The following COQ5 variants were observed in gnomAD, a reference collection of about 807,000 sequenced individuals.
COQ5 encodes coenzyme Q5, methyltransferase.
A neutral mutation model predicts 40.5 loss-of-function variants in COQ5; 27 were observed. The ratio of observed to expected loss-of-function variants is 0.67; its 90% CI spans 0.49 to 0.92. The LOEUF is 0.92. COQ5 is among the 40% of genes least tolerant of loss of function. COQ5 has a pLI of 0.00. For missense variants in COQ5, 409 were observed against 406.4 expected (o/e 1.01, Z -0.06); for synonymous variants, 141 against 150.0 (o/e 0.94, Z 0.44).
intron 5 of COQ5, among the ~76,000 whole-genome samples, chr12:120,504,327 G>C (rs1868781808): frequency 6.6e-6 from 1 of 151,872 alleles, no homozygotes; most frequent in African/African-American, 2.4e-5. Flanking sequence ...TGGGGAGATA[G>C]GCCTACCCAG....
At chr12:120,504,805 T>C (rs1868806338) in intron 5 of COQ5, 90 bp downstream of exon 5, 6 of 1,106,758 alleles carry the variant, frequency 5.4e-6, no homozygotes, top group Non-Finnish European at 8.3e-6. Context: ...ACAAAGTTCA[T>C]GCTTATAGCT....
At chr12:120,516,953 A>T (rs1264319428) in intron 2 of COQ5, among the ~76,000 whole-genome samples, 165 bp from the exon 3 acceptor site, 1 of 152,258 alleles carries the variant, frequency 6.6e-6, no homozygotes, top group East Asian at 1.9e-4. Flanking sequence ...TTTTTGTTAG[A>T]GACAGGGACT....
intron 2 of COQ5, among the ~76,000 whole-genome samples, chr12:120,520,433 C>A (rs1424728017): frequency 1.3e-5 from 2 of 151,858 alleles, no homozygotes; most frequent in African/African-American, 4.8e-5. Context: ...TCAAGCAATT[C>A]TCTTGCCTCA....
intron 4 of COQ5, among the ~76,000 whole-genome samples, chr12:120,506,345 A>G (rs1189989446): frequency 6.6e-6 from 1 of 151,832 alleles, no homozygotes; most frequent in African/African-American, 2.4e-5. Flanking sequence ...GATACAGTCA[A>G]TTTCTCCAAC....
rs181235611 is a variant in COQ5, at chr12:120,521,519, T to C, written c.352+695A>G. Among the ~76,000 whole-genome samples the C allele has an allele frequency of 1.6e-3, 241 of 149,866 alleles. 2 individuals are homozygous for C. The highest frequency in any genetic ancestry group is 5.6e-3 in the African/African-American group (229 of 40,612). Reference sequence around the variant, plus strand: ...GGTGGAACCCTGTCTCTACTAACAATACAAAAATTAGCCAGGCGTGGTGGT... The same window carrying C: ...GGTGGAACCCTGTCTCTACTAACAACACAAAAATTAGCCAGGCGTGGTGGT... On this transcript the variant is annotated intron_variant, in intron 2 of 6. Coordinates refer to ENST00000288532, the MANE Select transcript of COQ5 (RefSeq NM_032314.4).
At chr12:120,518,709 C>T (rs1158320741) in intron 2 of COQ5, among the ~76,000 whole-genome samples, 2 of 152,036 alleles carry the variant, frequency 1.3e-5, no homozygotes, top group Non-Finnish European at 2.9e-5. Flanking sequence ...GGATTACAGG[C>T]GTGTGCTACC....
chr12:120,520,085 A>C (rs1869571328), intron 2 of COQ5, among the ~76,000 whole-genome samples: 1 of 151,806 alleles, frequency 6.6e-6, no homozygotes, highest in East Asian at 1.9e-4. Flanking sequence ...CTCTATCGTT[A>C]CTAATTATCA....
chr12:120,521,670 C>T (rs1419174427), intron 2 of COQ5, among the ~76,000 whole-genome samples: 2 of 102,610 alleles, frequency 1.9e-5, no homozygotes. Flanking sequence ...CAGAGCAAGA[C>T]TCCATCTCCA....
intron 1 of COQ5, chr12:120,522,668 G>A: frequency 3.0e-6 from 2 of 657,600 alleles, no homozygotes; most frequent in Non-Finnish European, 5.4e-6. Context: ...TATCTACTCT[G>A]AAGCCTTCGT....
intron 5 of COQ5, chr12:120,504,578 A>C: frequency 3.1e-6 from 1 of 323,256 alleles, no homozygotes; most frequent in East Asian, 7.4e-5. Context: ...TTTTTAAGCC[A>C]GTCAAATTTA....
At chr12:120,512,947 A>G (rs1263231169) in intron 3 of COQ5, among the ~76,000 whole-genome samples, 1 of 149,456 alleles carries the variant, frequency 6.7e-6, no homozygotes, top group African/African-American at 2.5e-5. Flanking sequence ...AATCCTAGCT[A>G]CTCACCTGCC....
chr12:120,512,532 G>A (rs568602734), intron 3 of COQ5, among the ~76,000 whole-genome samples: 45 of 152,034 alleles, frequency 3.0e-4, no homozygotes, highest in African/African-American at 9.6e-4. Context: ...ACCGGGAGGC[G>A]GAGGTTGCAG....
At chr12:120,507,345 TG>T (rs2137078640) in intron 4 of COQ5, among the ~76,000 whole-genome samples, 1 of 150,764 alleles carries the variant, frequency 6.6e-6, no homozygotes, top group East Asian at 2.0e-4. Flanking sequence ...AGTGCAGTGG[TG>T]TGATCTCAAC....
chr12:120,523,403 C>T (rs1321721227), intron 1 of COQ5: 7 of 388,968 alleles, frequency 1.8e-5, no homozygotes, highest in East Asian at 1.6e-4. Context: ...TGTGCCATTT[C>T]GGGACTGGCT....
intron 2 of COQ5, among the ~76,000 whole-genome samples, chr12:120,519,783 T>C (rs1420177192): frequency 6.8e-6 from 1 of 148,026 alleles, no homozygotes; most frequent in Non-Finnish European, 1.5e-5. Flanking sequence ...GGCAGGAAAA[T>C]CGCTTGAACC....
intron 2 of COQ5, among the ~76,000 whole-genome samples, chr12:120,518,925 C>T (rs1003817114): frequency 6.6e-6 from 1 of 152,128 alleles, no homozygotes. Flanking sequence ...TTAGTATATG[C>T]GCTACTGAAG....
At chr12:120,513,359 G>A (rs1286762869) in intron 3 of COQ5, among the ~76,000 whole-genome samples, 3 of 150,800 alleles carry the variant, frequency 2.0e-5, no homozygotes, top group East Asian at 2.1e-4. Flanking sequence ...AAAATTAGCC[G>A]GGCGTGGCGG....
intron 2 of COQ5, among the ~76,000 whole-genome samples, chr12:120,518,561 T>C (rs939161624): frequency 6.6e-6 from 1 of 151,698 alleles, no homozygotes; most frequent in Non-Finnish European, 1.5e-5. Flanking sequence ...TTTTTTATTT[T>C]ATATCTTTTT....
chr12:120,519,858 G>A (rs1176551293), intron 2 of COQ5, among the ~76,000 whole-genome samples: 4 of 125,650 alleles, frequency 3.2e-5, no homozygotes, highest in Admixed American at 9.2e-5. Flanking sequence ...CAACAAGAAC[G>A]AGACTTGGAC....
Sources: allele counts gnomAD v4.1 joint callset (sites outside exome capture counted in the v4.1 genomes callset), GRCh38; gene constraint gnomAD v4.1.1; transcripts MANE v1.5; gene names NCBI Gene and HGNC (gene_info 2026-07-23, HGNC 2026-07-21).